RBFOX1: variants seen among roughly 807,000 people sequenced by gnomAD.
RBFOX1 encodes RNA binding protein fox-1 homolog 1.
RBFOX1 carries 8 observed loss-of-function variants against 57.7 expected under a neutral mutation model. That is an observed-to-expected ratio of 0.14 (90% confidence interval 0.08 to 0.25). RBFOX1 has a LOEUF of 0.25. RBFOX1 is among the 10% of genes least tolerant of loss of function. RBFOX1 has a pLI of 1.00. For synonymous variants in RBFOX1, 326 were observed against 222.4 expected (o/e 1.47, Z -4.15); for missense variants, 611 against 548.5 (o/e 1.11, Z -1.14).
intron 3 of RBFOX1, among the ~76,000 whole-genome samples, chr16:7,035,332 A>C (rs759352777): frequency 6.6e-6 from 1 of 152,088 alleles, no homozygotes; most frequent in Non-Finnish European, 1.5e-5. Context: ...CATTTATCCT[A>C]GTTAAAGGGT....
chr16:7,019,729 G>T (rs1314866539), intron 3 of RBFOX1, among the ~76,000 whole-genome samples: 1 of 152,180 alleles, frequency 6.6e-6, no homozygotes, highest in African/African-American at 2.4e-5. Flanking sequence ...AACAAGCTTG[G>T]TTTCAAACAC....
intron 2 of RBFOX1, among the ~76,000 whole-genome samples, chr16:6,535,858 G>A (rs371153725): frequency 2.6e-5 from 4 of 152,192 alleles, no homozygotes; most frequent in East Asian, 1.9e-4. Context: ...CTCAATAGTG[G>A]CAATGTAGAT....
At chr16:5,644,032 G>A (rs913120433) in intron 3 of RBFOX1, among the ~76,000 whole-genome samples, 1 of 152,122 alleles carries the variant, frequency 6.6e-6, no homozygotes, top group Non-Finnish European at 1.5e-5. Context: ...TGCAGACTGC[G>A]TCGTACACAG....
chr16:6,880,941 T>C (rs1302210355), intron 3 of RBFOX1, among the ~76,000 whole-genome samples: 1 of 152,136 alleles, frequency 6.6e-6, no homozygotes, highest in Non-Finnish European at 1.5e-5. Context: ...AATGCTACAT[T>C]AGGAGATTCA....
intron 2 of RBFOX1, among the ~76,000 whole-genome samples, chr16:5,590,559 T>G (rs140671906): frequency 6.6e-6 from 1 of 152,160 alleles, no homozygotes; most frequent in Admixed American, 6.5e-5. Flanking sequence ...GCTGCCGTAC[T>G]GTGATTCGGG....
At chr16:6,053,071 C>T (rs1567340426) in intron 1 of RBFOX1, among the ~76,000 whole-genome samples, 1 of 152,004 alleles carries the variant, frequency 6.6e-6, no homozygotes, top group East Asian at 1.9e-4. Flanking sequence ...GGAAGTTTTT[C>T]AGGGGAAGGG....
intron 4 of RBFOX1, among the ~76,000 whole-genome samples, chr16:7,305,531 G>A (rs1041734459): frequency 6.6e-6 from 1 of 152,126 alleles, no homozygotes; most frequent in African/African-American, 2.4e-5. Context: ...TTTTTCCACG[G>A]ACTCACTTCA....
At chr16:6,976,074 C>T (rs2086767458) in intron 3 of RBFOX1, among the ~76,000 whole-genome samples, 1 of 152,072 alleles carries the variant, frequency 6.6e-6, no homozygotes, top group South Asian at 2.1e-4. Context: ...TTTCAATGAG[C>T]CAAGATCGTC....
At chr16:7,482,558 T>TTC (rs1555503186) in intron 4 of RBFOX1, among the ~76,000 whole-genome samples, 23 of 146,836 alleles carry the variant, frequency 1.6e-4, no homozygotes, top group Middle Eastern at 3.4e-3. Context: ...TTTTTTTTTT[T>TTC]TTTTTTTTTT....
intron 4 of RBFOX1, among the ~76,000 whole-genome samples, chr16:7,198,037 G>C (rs1158751215): frequency 3.7e-5 from 3 of 80,878 alleles, no homozygotes; most frequent in East Asian, 7.2e-4. Flanking sequence ...ACGGAGTCTT[G>C]CTCTGTCGCC....
At chr16:5,579,805 G>A (rs935808664) in intron 2 of RBFOX1, among the ~76,000 whole-genome samples, 3 of 151,244 alleles carry the variant, frequency 2.0e-5, no homozygotes, top group African/African-American at 7.3e-5. Flanking sequence ...TGTTGCCTAG[G>A]CTGGGGTGCA....
chr16:7,379,777 C>T (rs1455418695), intron 4 of RBFOX1, among the ~76,000 whole-genome samples: 2 of 151,130 alleles, frequency 1.3e-5, no homozygotes, highest in Non-Finnish European at 3.0e-5. Context: ...TTCCTGCCTT[C>T]CGTCCTGCCT....
chr16:6,756,324 A>G (rs906681051), intron 3 of RBFOX1, among the ~76,000 whole-genome samples: 1 of 152,206 alleles, frequency 6.6e-6, no homozygotes, highest in Non-Finnish European at 1.5e-5. Context: ...AAATCAACTC[A>G]AAATGCATTA....
intron 4 of RBFOX1, among the ~76,000 whole-genome samples, chr16:7,151,379 G>T (rs1232155158): frequency 6.6e-6 from 1 of 152,112 alleles, no homozygotes; most frequent in Non-Finnish European, 1.5e-5. Flanking sequence ...GACTGCAAAA[G>T]ATATGTTGTC....
At chr16:6,794,820 G>C (rs2083638063) in intron 3 of RBFOX1, among the ~76,000 whole-genome samples, 1 of 152,072 alleles carries the variant, frequency 6.6e-6, no homozygotes, top group African/African-American at 2.4e-5. Context: ...ATTTTTATTT[G>C]ATGCAGGCAC....
intron 4 of RBFOX1, among the ~76,000 whole-genome samples, chr16:5,967,945 A>C (rs533279795): frequency 1.3e-5 from 2 of 152,098 alleles, no homozygotes; most frequent in Admixed American, 6.5e-5. Context: ...CTGTGTCTCC[A>C]TTGTCAGATC....
chr16:7,373,648 G>C (rs1314913620), intron 4 of RBFOX1, among the ~76,000 whole-genome samples: 2 of 151,848 alleles, frequency 1.3e-5, no homozygotes, highest in African/African-American at 2.4e-5. Context: ...ATTTTGCTCA[G>C]AATAAGAAGT....
rs368671040 is a variant in RBFOX1 at position 6,648,360 on chromosome 16, T to G, written c.-63-6243T>G. Among the ~76,000 whole-genome samples, 8 of 149,926 alleles carry G rather than the reference T, an allele frequency of 5.3e-5. No homozygotes were observed. The East Asian group carries it at 1.4e-3, about 26-fold the overall frequency. On this transcript the variant is annotated intron_variant, in intron 2 of 15. Coordinates refer to ENST00000550418, the MANE Select transcript of RBFOX1 (RefSeq NM_018723.4). ...ATAGGCATGATGCATTTTAACTGGC[T>G]CCCAGGGGCATCGTACTTGCTGGGG... is the stretch of plus-strand genomic sequence containing the variant.
intron 2 of RBFOX1, among the ~76,000 whole-genome samples, chr16:6,344,024 G>C (rs934822818): frequency 1.3e-5 from 2 of 152,168 alleles, no homozygotes; most frequent in African/African-American, 2.4e-5. Context: ...GTGATGAAAG[G>C]AGGTAATCAG....
Sources: gnomAD v4.1 joint callset for allele counts (sites outside exome capture counted in the v4.1 genomes callset) on GRCh38, gnomAD v4.1.1 for gene constraint, MANE v1.5 for transcripts, NCBI Gene and HGNC (gene_info 2026-07-23, HGNC 2026-07-21) for gene names.